Variants in MEIKIN observed in about 807,000 individuals in gnomAD.
The protein encoded by MEIKIN is meiotic kinetochore factor.
At chr5:131,851,829 C>T (rs567956692) in intron 10 of MEIKIN, among the ~76,000 whole-genome samples, 9 of 152,086 alleles carry the variant, frequency 5.9e-5, no homozygotes, top group East Asian at 1.9e-4. Flanking sequence ...GCAGGATGCA[C>T]GTAGGTTATA....
chr5:131,841,178 C>T (rs1035901515), intron 11 of MEIKIN, among the ~76,000 whole-genome samples: 1 of 152,204 alleles, frequency 6.6e-6, no homozygotes, highest in African/African-American at 2.4e-5. Flanking sequence ...TGGGCCCCAA[C>T]TTTGTTCTCT....
intron 11 of MEIKIN, among the ~76,000 whole-genome samples, chr5:131,850,087 T>C (rs1008042679): frequency 6.6e-6 from 1 of 150,600 alleles, no homozygotes; most frequent in Non-Finnish European, 1.5e-5. Context: ...TACAATTCAA[T>C]TCATAATAGC....
At chr5:131,809,607 G>A (rs1411410813) in intron 12 of MEIKIN, among the ~76,000 whole-genome samples, 1 of 152,118 alleles carries the variant, frequency 6.6e-6, no homozygotes, top group Non-Finnish European at 1.5e-5. Context: ...AGGAGATCAA[G>A]ACATTCCTGG....
intron 11 of MEIKIN, among the ~76,000 whole-genome samples, chr5:131,845,551 CA>C (rs1363254829): frequency 2.0e-5 from 3 of 148,616 alleles, no homozygotes; most frequent in South Asian, 2.1e-4. Flanking sequence ...GAAAAAAAGT[CA>C]AAAAAACTAT....
chr5:131,892,428 T>C (rs540260123), intron 8 of MEIKIN, among the ~76,000 whole-genome samples: 1 of 152,332 alleles, frequency 6.6e-6, no homozygotes, highest in African/African-American at 2.4e-5. Flanking sequence ...TTATTCTTTT[T>C]TCTCTAAAAT....
intron 11 of MEIKIN, among the ~76,000 whole-genome samples, chr5:131,821,408 C>G (rs913676722): frequency 3.3e-5 from 5 of 152,136 alleles, no homozygotes; most frequent in African/African-American, 1.2e-4. Context: ...CATTTTGTGA[C>G]CCAACACATG....
At chr5:131,844,163 A>T (rs2149612486) in intron 11 of MEIKIN, among the ~76,000 whole-genome samples, 1 of 152,296 alleles carries the variant, frequency 6.6e-6, no homozygotes, top group Non-Finnish European at 1.5e-5. Flanking sequence ...CAAGGGGGAA[A>T]CTGCCCCCAT....
intron 9 of MEIKIN, among the ~76,000 whole-genome samples, chr5:131,874,909 A>AT (rs1468803255): frequency 6.6e-6 from 1 of 152,152 alleles, no homozygotes; most frequent in South Asian, 2.1e-4. Flanking sequence ...GATTATCTCA[A>AT]AGATGCAGAA....
chr5:131,918,108 T>C lies in MEIKIN; in HGVS notation c.599-1183A>G, dbSNP rs562355722. 1.2e-4 allele frequency among the ~76,000 whole-genome samples: 18 copies of C among 152,254 alleles called. No homozygotes were observed. In the South Asian group the frequency reaches 3.5e-3, roughly 30 times the overall value. Reference sequence around the variant, plus strand: ...TGGGAAAGAGAAGCACTTTTTTCAATGTATTTGAGGCTGTGATTATGTAAG... The same window carrying C: ...TGGGAAAGAGAAGCACTTTTTTCAACGTATTTGAGGCTGTGATTATGTAAG... On this transcript the variant is annotated intron_variant, in intron 6 of 12. Transcript: ENST00000442687.
At chr5:131,919,137 T>A (rs912104718) in intron 6 of MEIKIN, among the ~76,000 whole-genome samples, 1 of 152,072 alleles carries the variant, frequency 6.6e-6, no homozygotes. Flanking sequence ...TAAACTCACA[T>A]ATAATCATGG....
intron 9 of MEIKIN, among the ~76,000 whole-genome samples, chr5:131,860,078 G>C (rs1434814306): frequency 6.6e-6 from 1 of 152,004 alleles, no homozygotes; most frequent in East Asian, 1.9e-4. Flanking sequence ...GTTTTTTCTA[G>C]TTCTGTGAAA....
chr5:131,914,412 G>A (rs1405840888), intron 7 of MEIKIN, among the ~76,000 whole-genome samples: 2 of 145,882 alleles, frequency 1.4e-5, no homozygotes, highest in Non-Finnish European at 3.0e-5. Flanking sequence ...AGAAAGAAAG[G>A]AAAGAAGGAA....
intron 11 of MEIKIN, among the ~76,000 whole-genome samples, chr5:131,842,595 G>T (rs1362789181): frequency 6.7e-6 from 1 of 149,950 alleles, no homozygotes; most frequent in East Asian, 2.0e-4. Context: ...ATTGTGATTT[G>T]TTGATTTTTT....
intron 11 of MEIKIN, among the ~76,000 whole-genome samples, chr5:131,838,409 A>G (rs757025095): frequency 1.3e-4 from 20 of 152,052 alleles, no homozygotes; most frequent in Non-Finnish European, 2.5e-4. Flanking sequence ...AATTTTTTTT[A>G]ATAGTTTAAA....
rs1751339680 is a variant in MEIKIN, at chr5:131,911,870, T to G, written c.648A>C (p.Thr216=). ...TTGGAGAAACATTTTGATCTGCTAC[T>G]GTCATCACTCTATAACAAGAACAAA... ...YQKCHRKTVM[T]VADQNVSPKA... The change falls in exon 8 of 13, where the codon ACA becomes ACC. Residue 216 remains threonine, a synonymous_variant. Coordinates refer to ENST00000442687, the MANE Select transcript of MEIKIN (RefSeq NM_001303622.2). The G allele has an allele frequency of 2.5e-6, 1 of 397,698 alleles. No homozygotes were observed. Among genetic ancestry groups the G allele is most frequent in the African/African-American group, 2.1e-5 (1 of 48,596 alleles). 24.6% of individuals were successfully genotyped at this position (397,698 alleles called of 1,614,324 possible).
At chr5:131,944,511 C>G (rs1751928027) in intron 3 of MEIKIN, 154 bp downstream of exon 3, 1 of 393,894 alleles carries the variant, frequency 2.5e-6, no homozygotes, top group African/African-American at 2.1e-5. Flanking sequence ...ATTCAAGGCC[C>G]TGTCTAAAGA....
intron 9 of MEIKIN, among the ~76,000 whole-genome samples, chr5:131,865,459 T>A (rs538508268): frequency 3.7e-4 from 57 of 152,392 alleles, no homozygotes; most frequent in African/African-American, 1.3e-3. Context: ...GACCTTGTGT[T>A]CCGCCCACCT....
At chr5:131,907,612 G>A (rs545803491) in intron 8 of MEIKIN, among the ~76,000 whole-genome samples, 4 of 151,216 alleles carry the variant, frequency 2.6e-5, no homozygotes, top group South Asian at 2.1e-4. Flanking sequence ...GGTGGCTCAC[G>A]CCTGTAATCC....
At chr5:131,893,385 T>G (rs1469313846) in intron 8 of MEIKIN, among the ~76,000 whole-genome samples, 1 of 152,240 alleles carries the variant, frequency 6.6e-6, no homozygotes, top group Admixed American at 6.5e-5. Context: ...TAGGACCCTC[T>G]GAGCCATGTG....
Sources: gnomAD v4.1 joint callset for allele counts (sites outside exome capture counted in the v4.1 genomes callset) on GRCh38, gnomAD v4.1.1 for gene constraint, MANE v1.5 for transcripts, NCBI Gene and HGNC (gene_info 2026-07-23, HGNC 2026-07-21) for gene names.